The following MIS18BP1 variants were observed in gnomAD, a reference collection of about 807,000 sequenced individuals.
The protein encoded by MIS18BP1 is mis18-binding protein 1.
In MIS18BP1, 72 loss-of-function variants were observed where a neutral mutation model predicts 116.1. The observed-to-expected ratio is 0.62, with a 90% confidence interval of 0.51 to 0.75. MIS18BP1 has a LOEUF of 0.75. MIS18BP1 is among the 30% of genes least tolerant of loss of function. The probability of loss-of-function intolerance (pLI) is 0.00; values close to 1 mark genes in which losing one functional copy is unlikely to be tolerated. For missense variants in MIS18BP1, 1,363 were observed against 1,303.2 expected (o/e 1.05, Z -0.71); for synonymous variants, 386 against 427.0 (o/e 0.90, Z 1.18).
intron 13 of MIS18BP1, among the ~76,000 whole-genome samples, chr14:45,211,843 G>A (rs1890682102): frequency 6.6e-6 from 1 of 152,200 alleles, no homozygotes; most frequent in South Asian, 2.1e-4. Context: ...TTGTCTTGCA[G>A]AACCTCCTTT....
intron 7 of MIS18BP1, 67 bp downstream of exon 7, chr14:45,232,666 A>G (rs775129972): frequency 4.5e-6 from 4 of 880,970 alleles, no homozygotes; most frequent in African/African-American, 1.7e-5. Flanking sequence ...ATGGTGGCAC[A>G]CACATAATTA....
At chr14:45,241,706 TGTAA>T (rs1441650360) in intron 4 of MIS18BP1, 3 of 207,192 alleles carry the variant, frequency 1.4e-5, no homozygotes, top group Admixed American at 5.4e-5. Flanking sequence ...TTAATAGTAC[TGTAA>T]GTATCAGAAA....
At position 45,235,099 on chromosome 14, in the gene MIS18BP1, G is replaced by A. The variant is rs1170684062; in HGVS notation, c.1348+715C>T. ...CACACTCCTGTAGTCCCAGCTACTC[G>A]GGAGGCTGAGGCATGAATAATCGCT... On this transcript the variant is annotated intron_variant, in intron 6 of 16. Coordinates refer to ENST00000310806, the MANE Select transcript of MIS18BP1 (RefSeq NM_018353.5). Among the ~76,000 whole-genome samples the A allele has an allele frequency of 3.3e-5, 5 of 151,912 alleles. No individual in the cohort carries two copies. In the South Asian group the frequency reaches 6.2e-4, roughly 19 times the overall value.
At chr14:45,215,849 C>T (rs928291018) in intron 13 of MIS18BP1, among the ~76,000 whole-genome samples, 2 of 151,878 alleles carry the variant, frequency 1.3e-5, no homozygotes, top group Non-Finnish European at 2.9e-5. Context: ...GGACTACAGG[C>T]GGCCGCCACC....
intron 7 of MIS18BP1, chr14:45,232,480 A>C (rs987842828): frequency 1.1e-5 from 4 of 366,246 alleles, no homozygotes; most frequent in Non-Finnish European, 2.0e-5. Flanking sequence ...TACCTAAAAC[A>C]GGTGCACTTA....
chr14:45,210,108 T>C (rs1890632071), intron 14 of MIS18BP1: 1 of 261,900 alleles, frequency 3.8e-6, no homozygotes, highest in Non-Finnish European at 7.0e-6. Context: ...AAGGTTTCTT[T>C]AGTTTTTTTT....
rs1439268599 is a variant in MIS18BP1, at chr14:45,242,746, C to T, written c.658+15G>A. ...ACTTAAGTAACAAACTGAAAACAAA[C>T]CAAAAATAGTTTACCGTAAGTTAAA... On this transcript the variant is annotated intron_variant, in intron 3 of 16. Transcript: ENST00000310806. 6.3e-7 allele frequency: 1 copy of T among 1,588,454 alleles called. No individual in the cohort carries two copies. Among genetic ancestry groups the T allele is most frequent in the East Asian group, 2.2e-5 (1 of 44,744 alleles).
At position 45,217,627 on chromosome 14, in the gene MIS18BP1, G is replaced by C. The variant is rs377558154; in HGVS notation, c.2843-448C>G. Among the ~76,000 whole-genome samples the C allele has an allele frequency of 1.4e-4, 21 of 151,824 alleles. No homozygotes were observed. The East Asian group carries it at 3.9e-3, about 28-fold the overall frequency. ...TCTCTTTTTTTTTTTGTAGAGATGG[G>C]GTTTCACCATGTTGTCCAGGCTGGT... On this transcript the variant is annotated intron_variant, in intron 12 of 16. Coordinates refer to ENST00000310806, the MANE Select transcript of MIS18BP1 (RefSeq NM_018353.5).
intron 9 of MIS18BP1, 111 bp downstream of exon 9, chr14:45,227,549 GAAA>G (rs200663824): frequency 1.5e-3 from 983 of 648,338 alleles, no homozygotes; most frequent in Middle Eastern, 2.9e-3. Flanking sequence ...CATCTCAAAA[GAAA>G]AAAAAAAAAA....
chr14:45,207,576 G>A (rs868261737), intron 14 of MIS18BP1, among the ~76,000 whole-genome samples: 2 of 152,232 alleles, frequency 1.3e-5, no homozygotes, highest in African/African-American at 4.8e-5. Flanking sequence ...GCTTGAACCT[G>A]GTAGATGGAG....
intron 12 of MIS18BP1, among the ~76,000 whole-genome samples, 156 bp from the exon 13 acceptor site, chr14:45,217,335 C>T (rs1263177616): frequency 6.6e-6 from 1 of 151,824 alleles, no homozygotes; most frequent in African/African-American, 2.4e-5. Flanking sequence ...ATCCCTGTAA[C>T]CCAGCACTTC....
chr14:45,224,709 T>G lies in MIS18BP1; in HGVS notation c.1878A>C (p.Leu626=). The change falls in exon 11 of 17, where the codon CTA becomes CTC. Residue 626 remains leucine, a synonymous_variant. Transcript: ENST00000310806. ...CTGAGAAAAACTGTTCCCTTGAGGT[T>G]AGAATATCAATGGATACATCCAATT... The part of the protein sequence containing the change: ...TEELDVSIDI[L]TSREQFFSDE... The G allele has an allele frequency of 6.2e-7, 1 of 1,602,662 alleles. No homozygotes were observed. The highest frequency in any genetic ancestry group is 8.5e-7 in the Non-Finnish European group (1 of 1,176,598).
intron 11 of MIS18BP1, among the ~76,000 whole-genome samples, chr14:45,221,304 G>A (rs541180187): frequency 3.3e-5 from 5 of 152,088 alleles, no homozygotes; most frequent in South Asian, 2.1e-4. Flanking sequence ...CGGCGTGGTC[G>A]CGGGCGCCTG....
At chr14:45,236,023 C>T in intron 5 of MIS18BP1, 79 bp from the exon 6 acceptor site, 2 of 1,261,846 alleles carry the variant, frequency 1.6e-6, no homozygotes, top group Non-Finnish European at 2.2e-6. Context: ...TACACTTTAG[C>T]TACAGCAACA....
At chr14:45,229,004 A>C (rs1387913191) in intron 8 of MIS18BP1, among the ~76,000 whole-genome samples, 1 of 152,166 alleles carries the variant, frequency 6.6e-6, no homozygotes, top group Non-Finnish European at 1.5e-5. Flanking sequence ...CACCACTCAA[A>C]ATAACTTACG....
intron 13 of MIS18BP1, among the ~76,000 whole-genome samples, chr14:45,216,371 T>C (rs1890818750): frequency 6.6e-6 from 1 of 152,314 alleles, no homozygotes; most frequent in African/African-American, 2.4e-5. Context: ...TTTTAAAAGA[T>C]TCTATAATTC....
At chr14:45,228,304 C>A (rs1048915373) in intron 8 of MIS18BP1, among the ~76,000 whole-genome samples, 3 of 151,790 alleles carry the variant, frequency 2.0e-5, no homozygotes, top group African/African-American at 7.3e-5. Context: ...TTTTTTCCTT[C>A]AAAAAAAATT....
rs562245839 is a variant in MIS18BP1, at chr14:45,232,573, T to C, written c.1436+160A>G. 2.6e-3 allele frequency: 1,606 copies of C among 606,762 alleles called. 6 individuals are homozygous for C. Among genetic ancestry groups the C allele is most frequent in the Non-Finnish European group, 3.2e-3 (1,032 of 327,096 alleles). The allele number at this position is 606,762 out of a possible 1,614,324, so 37.6% of individuals were successfully genotyped here. A position where few individuals can be genotyped will look rare whatever the true frequency, so the allele number is the denominator to read the frequency against. Reference sequence around the variant, plus strand: ...ACTTTGGGAGGCTGAGACAGGCGGATCACTTGTAGCCAGGAGTTCGAGACC... The same window carrying C: ...ACTTTGGGAGGCTGAGACAGGCGGACCACTTGTAGCCAGGAGTTCGAGACC... On this transcript the variant is annotated intron_variant, in intron 7 of 16. Coordinates refer to ENST00000310806, the MANE Select transcript of MIS18BP1 (RefSeq NM_018353.5).
intron 14 of MIS18BP1, 43 bp from the exon 15 acceptor site, chr14:45,206,213 G>T: frequency 7.5e-7 from 1 of 1,333,608 alleles, no homozygotes; most frequent in South Asian, 1.3e-5. Flanking sequence ...ATATTTTTAA[G>T]TCAACCTAAT....
Sources: gnomAD v4.1 joint callset for allele counts (sites outside exome capture counted in the v4.1 genomes callset) on GRCh38, gnomAD v4.1.1 for gene constraint, MANE v1.5 for transcripts, NCBI Gene and HGNC (gene_info 2026-07-23, HGNC 2026-07-21) for gene names.